Variants in BCKDHB observed in about 807,000 individuals in gnomAD.
The protein encoded by BCKDHB is 2-oxoisovalerate dehydrogenase subunit beta, mitochondrial.
BCKDHB carries 41 observed loss-of-function variants against 48.5 expected under a neutral mutation model. The ratio of observed to expected loss-of-function variants is 0.85; its 90% confidence interval spans 0.66 to 1.10. The LOEUF is 1.10. Among genes scored for constraint, BCKDHB ranks in the 50% least tolerant of loss-of-function variants. BCKDHB has a pLI of 0.00. For missense variants in BCKDHB, 496 were observed against 494.2 expected, an observed-to-expected ratio of 1.00 and a Z score of -0.03; for synonymous variants, 201 against 174.8, an observed-to-expected ratio of 1.15 and a Z score of -1.18.
chr6:80,172,012 T>G (rs796632130), intron 6 of BCKDHB, among the ~76,000 whole-genome samples: 35 of 152,282 alleles, frequency 2.3e-4, no homozygotes, highest in African/African-American at 8.2e-4. Flanking sequence ...TTCCTCACTC[T>G]TCACAATGGA....
At chr6:80,385,625 G>A in the BCKDHB span, among the ~76,000 whole-genome samples, 3 of 152,260 alleles carry the variant, frequency 2.0e-5, no homozygotes, top group African/African-American at 4.8e-5. Context: ...TCCTGAGGCC[G>A]TTGCCAGGCA....
At chr6:80,435,812 T>A in the BCKDHB span, among the ~76,000 whole-genome samples, 4 of 152,120 alleles carry the variant, frequency 2.6e-5, no homozygotes, top group Admixed American at 6.5e-5. Context: ...GGTGGGTGGA[T>A]CACGAGGTCC....
At chr6:80,223,454 A>G (rs1775549571) in intron 8 of BCKDHB, among the ~76,000 whole-genome samples, 5 of 152,058 alleles carry the variant, frequency 3.3e-5, no homozygotes, top group Admixed American at 2.6e-4. Context: ...TTTTCTATAA[A>G]TTTCTAATTT....
intron 8 of BCKDHB, among the ~76,000 whole-genome samples, chr6:80,262,080 G>A (rs1372667712): frequency 6.6e-6 from 1 of 152,068 alleles, no homozygotes; most frequent in Non-Finnish European, 1.5e-5. Flanking sequence ...TACAGGTAAG[G>A]TCTTCTCCTG....
At chr6:80,233,269 T>A (rs1434434243) in intron 8 of BCKDHB, among the ~76,000 whole-genome samples, 1 of 152,194 alleles carries the variant, frequency 6.6e-6, no homozygotes, top group African/African-American at 2.4e-5. Context: ...GATTTCTACC[T>A]TAATCCATTT....
the BCKDHB span, among the ~76,000 whole-genome samples, chr6:80,436,085 C>G: frequency 6.7e-6 from 1 of 148,572 alleles, no homozygotes; most frequent in Non-Finnish European, 1.5e-5. Flanking sequence ...TGGCAAGATC[C>G]TATTTTATAT....
In BCKDHB at chr6:80,108,447, A is replaced by G. The variant is rs1209869787; in HGVS notation, c.196+1558A>G. ...CATAGTTGTAAACTTACTAAAATCT[A>G]AGTAAAATGATATCATGTTATCATG... is the stretch of plus-strand genomic sequence containing the variant. On this transcript the variant is annotated intron_variant, in intron 1 of 9. Transcript: ENST00000320393. Among the ~76,000 whole-genome samples the G allele has an allele frequency of 4.0e-5, 6 of 151,632 alleles. No individual in the cohort carries two copies. In the East Asian group the frequency reaches 1.2e-3, roughly 29 times the overall value.
intron 8 of BCKDHB, among the ~76,000 whole-genome samples, chr6:80,262,435 C>T (rs1283541426): frequency 6.6e-6 from 1 of 152,102 alleles, no homozygotes; most frequent in Non-Finnish European, 1.5e-5. Context: ...TTGGAGTCCT[C>T]TGAGAATCAA....
chr6:80,370,081 A>G, the BCKDHB span, among the ~76,000 whole-genome samples: 1 of 152,200 alleles, frequency 6.6e-6, no homozygotes, highest in Admixed American at 6.5e-5. Context: ...TGCACACATC[A>G]CTGTGGGTCA....
intron 8 of BCKDHB, among the ~76,000 whole-genome samples, chr6:80,260,859 G>A (rs652576): frequency 0.9 from 136,475 of 152,274 alleles, 61,199 homozygotes; most frequent in Middle Eastern, 0.96. Flanking sequence ...AACAGAAAGT[G>A]CATCTTGATA....
intron 3 of BCKDHB, among the ~76,000 whole-genome samples, chr6:80,135,138 C>T (rs1166182005): frequency 6.6e-6 from 1 of 151,958 alleles, no homozygotes; most frequent in African/African-American, 2.4e-5. Context: ...AAATTAATGT[C>T]TTTAACAGAG....
At chr6:80,421,476 C>G in the BCKDHB span, among the ~76,000 whole-genome samples, 1 of 152,052 alleles carries the variant, frequency 6.6e-6, no homozygotes, top group Non-Finnish European at 1.5e-5. Flanking sequence ...GGGTAATAGG[C>G]AGAGGTTGGA....
At chr6:80,117,801 T>C (rs983731895) in intron 1 of BCKDHB, among the ~76,000 whole-genome samples, 2 of 152,244 alleles carry the variant, frequency 1.3e-5, no homozygotes, top group Non-Finnish European at 2.9e-5. Context: ...TGGCTTGCTG[T>C]CAATAAATAT....
chr6:80,315,598 GTTTT>G, intron 9 of BCKDHB, among the ~76,000 whole-genome samples: 1 of 144,014 alleles, frequency 6.9e-6, no homozygotes, highest in Non-Finnish European at 1.5e-5. Flanking sequence ...CCGATCCCTT[GTTTT>G]TTTTTTTTAA....
In BCKDHB at chr6:80,145,317, C is replaced by T. The variant is rs183049101; in HGVS notation, c.343+16088C>T. Among the ~76,000 whole-genome samples the T allele has an allele frequency of 3.3e-5, 5 of 152,306 alleles. No individual in the cohort carries two copies. The East Asian group carries it at 9.6e-4, about 29-fold the overall frequency. On this transcript the variant is annotated intron_variant, in intron 3 of 9. Coordinates refer to ENST00000320393, the MANE Select transcript of BCKDHB (RefSeq NM_183050.4). ...TTGTCCATCCTCTGGAGCATACACA[C>T]AAAAGCCTGTGTTGATGGTGCAGTA...
At chr6:80,361,053 C>T in the BCKDHB span, among the ~76,000 whole-genome samples, 1 of 151,530 alleles carries the variant, frequency 6.6e-6, no homozygotes, top group Non-Finnish European at 1.5e-5. Context: ...AGTTATATAG[C>T]TTTTCATTTT....
intron 9 of BCKDHB, among the ~76,000 whole-genome samples, chr6:80,296,554 A>C (rs1767260311): frequency 6.6e-6 from 1 of 152,308 alleles, no homozygotes; most frequent in Non-Finnish European, 1.5e-5. Context: ...GCTATTATTG[A>C]TAAACCAAAT....
intron 9 of BCKDHB, among the ~76,000 whole-genome samples, chr6:80,332,511 G>GT (rs1181578074): frequency 1.3e-5 from 2 of 152,036 alleles, no homozygotes; most frequent in Admixed American, 6.6e-5. Flanking sequence ...TTATATTCCA[G>GT]TTTAAGTTAA....
intron 1 of BCKDHB, among the ~76,000 whole-genome samples, chr6:80,121,345 T>G (rs1770007343): frequency 6.6e-6 from 1 of 152,140 alleles, no homozygotes; most frequent in African/African-American, 2.4e-5. Context: ...TGGCTATGTG[T>G]GCTCTTTTTT....
Sources: gnomAD v4.1 joint callset for allele counts (sites outside exome capture counted in the v4.1 genomes callset) on GRCh38, gnomAD v4.1.1 for gene constraint, MANE v1.5 for transcripts, NCBI Gene and HGNC (gene_info 2026-07-23, HGNC 2026-07-21) for gene names.